ASAP1: variants seen among roughly 807,000 people sequenced by gnomAD.
ASAP1 encodes the protein ArfGAP with SH3 domain, ankyrin repeat and PH domain 1.
Under a neutral mutation model 145.2 loss-of-function variants are expected in ASAP1, and 43 were observed. The ratio of observed to expected loss-of-function variants is 0.30; its 90% CI spans 0.23 to 0.38. The LOEUF is 0.38. Among genes scored for constraint, ASAP1 ranks in the 10% least tolerant of loss-of-function variants. The probability of loss-of-function intolerance (pLI) is 1.00; values close to 1 mark genes in which losing one functional copy is unlikely to be tolerated. For synonymous variants in ASAP1, 546 were observed against 515.5 expected, an observed-to-expected ratio of 1.06 and a Z score of -0.80; for missense variants, 1,018 against 1,355.3, an observed-to-expected ratio of 0.75 and a Z score of 3.91.
intron 3 of ASAP1, among the ~76,000 whole-genome samples, chr8:130,303,760 G>A (rs1822818093): frequency 6.6e-6 from 1 of 152,080 alleles, no homozygotes; most frequent in Non-Finnish European, 1.5e-5. Context: ...GGTTGCCAGG[G>A]GTTTAGGATG....
chr8:130,202,416 G>A (rs1246084844), intron 5 of ASAP1, among the ~76,000 whole-genome samples: 1 of 152,118 alleles, frequency 6.6e-6, no homozygotes, highest in African/African-American at 2.4e-5. Context: ...CTCTCACATA[G>A]AAAATGACAG....
intron 1 of ASAP1, among the ~76,000 whole-genome samples, chr8:130,442,694 C>T (rs1482291472): frequency 6.6e-6 from 1 of 152,094 alleles, no homozygotes; most frequent in South Asian, 2.1e-4. Flanking sequence ...TGCAGTTGAC[C>T]ATCCTTCTCC....
chr8:130,400,295 A>G (rs1269088495), intron 2 of ASAP1, among the ~76,000 whole-genome samples: 1 of 152,092 alleles, frequency 6.6e-6, no homozygotes, highest in East Asian at 1.9e-4. Flanking sequence ...CAGACTCTAC[A>G]AGTTTTCCCG....
chr8:130,370,965 A>T (rs948978000), intron 2 of ASAP1, among the ~76,000 whole-genome samples: 2 of 152,216 alleles, frequency 1.3e-5, no homozygotes, highest in Admixed American at 1.3e-4. Flanking sequence ...TTCTGGAAAT[A>T]GACAATGGTG....
chr8:130,317,955 T>G (rs545282299), intron 3 of ASAP1, among the ~76,000 whole-genome samples: 1 of 152,262 alleles, frequency 6.6e-6, no homozygotes, highest in African/African-American at 2.4e-5. Flanking sequence ...ATTAGTCACT[T>G]TTACCAAAAT....
chr8:130,211,772 T>G (rs943868044), intron 5 of ASAP1, among the ~76,000 whole-genome samples: 1 of 152,214 alleles, frequency 6.6e-6, no homozygotes, highest in Non-Finnish European at 1.5e-5. Context: ...AGACTTTTGG[T>G]ACTTGCTGGT....
chr8:130,208,370 T>A (rs903560299), intron 5 of ASAP1, among the ~76,000 whole-genome samples: 3 of 152,188 alleles, frequency 2.0e-5, no homozygotes, highest in African/African-American at 7.2e-5. Context: ...CACCAAGTTA[T>A]CAAACTGTTC....
intron 1 of ASAP1, among the ~76,000 whole-genome samples, chr8:130,425,764 T>C (rs1829893673): frequency 6.6e-6 from 1 of 152,178 alleles, no homozygotes; most frequent in South Asian, 2.1e-4. Flanking sequence ...TAAGGACACT[T>C]AAGAAAGAAG....
At chr8:130,322,075 G>T (rs550399716) in intron 3 of ASAP1, among the ~76,000 whole-genome samples, 1 of 152,338 alleles carries the variant, frequency 6.6e-6, no homozygotes, top group African/African-American at 2.4e-5. Context: ...TGCTGCCACG[G>T]TTCTTCATCT....
chr8:130,089,124 G>T (rs1370953456), intron 25 of ASAP1, among the ~76,000 whole-genome samples: 4 of 152,270 alleles, frequency 2.6e-5, no homozygotes, highest in Non-Finnish European at 5.9e-5. Flanking sequence ...GGACAAAAGG[G>T]TGGGGAGTGG....
At chr8:130,073,405 AC>A (rs1469160584) in intron 27 of ASAP1, among the ~76,000 whole-genome samples, 50 of 146,856 alleles carry the variant, frequency 3.4e-4, no homozygotes, top group Non-Finnish European at 4.8e-4. Flanking sequence ...AAAAAAAAAA[AC>A]AAATACAAAT....
At chr8:130,058,139 T>C in intron 28 of ASAP1, 63 bp from the exon 29 acceptor site, 1 of 1,578,650 alleles carries the variant, frequency 6.3e-7, no homozygotes, top group Non-Finnish European at 8.7e-7. Flanking sequence ...AGAGCAGCGG[T>C]TCTTTGTAAA....
intron 27 of ASAP1, 108 bp downstream of exon 27, chr8:130,076,240 C>G (rs2135275281): frequency 5.7e-6 from 4 of 699,526 alleles, no homozygotes; most frequent in Non-Finnish European, 9.6e-6. Flanking sequence ...AGGTGCTGCT[C>G]TAGGCATTTG....
rs548094577 is a variant in ASAP1, at chr8:130,077,170, T to C, written c.2643-764A>G. Among the ~76,000 whole-genome samples the C allele has an allele frequency of 3.3e-5, 5 of 152,296 alleles. No individual in the cohort carries two copies. The East Asian group carries it at 9.6e-4, about 29-fold the overall frequency. On this transcript the variant is annotated intron_variant, in intron 26 of 29. Transcript: ENST00000518721. ...TCCAGAGCCCTCACTTCCTCCACTA[T>C]AGCAAAGAGCTTGGTTCTCGGGCCT...
intron 1 of ASAP1, among the ~76,000 whole-genome samples, chr8:130,442,146 T>C (rs1382770691): frequency 2.0e-5 from 3 of 152,166 alleles, no homozygotes; most frequent in Non-Finnish European, 4.4e-5. Context: ...ATCTCAAAAA[T>C]AGCAGCATTA....
At chr8:130,189,945 G>A (rs1025535125) in intron 5 of ASAP1, among the ~76,000 whole-genome samples, 1 of 151,976 alleles carries the variant, frequency 6.6e-6, no homozygotes, top group Non-Finnish European at 1.5e-5. Context: ...GCCATTTGTA[G>A]GTCTTCTTTT....
chr8:130,321,264 T>C (rs1823987375), intron 3 of ASAP1, among the ~76,000 whole-genome samples: 1 of 152,138 alleles, frequency 6.6e-6, no homozygotes, highest in Non-Finnish European at 1.5e-5. Context: ...CAACCCACTC[T>C]ATAGCCTCAT....
intron 4 of ASAP1, among the ~76,000 whole-genome samples, chr8:130,236,318 AT>A (rs560221831): frequency 0.031 from 4,459 of 144,246 alleles, 69 homozygotes; most frequent in Middle Eastern, 0.05. Flanking sequence ...GTGGTTACTC[AT>A]TTTTTTTTTT....
chr8:130,425,679 GA>G (rs1452810511), intron 1 of ASAP1, among the ~76,000 whole-genome samples: 5 of 152,206 alleles, frequency 3.3e-5, no homozygotes, highest in Admixed American at 3.3e-4. Flanking sequence ...CAATCTTAGG[GA>G]TCAGAGAATG....
Sources: allele counts gnomAD v4.1 joint callset (sites outside exome capture counted in the v4.1 genomes callset), GRCh38; gene constraint gnomAD v4.1.1; transcripts MANE v1.5; gene names NCBI Gene and HGNC (gene_info 2026-07-23, HGNC 2026-07-21).